Variants in KCNJ15 observed in about 807,000 individuals in gnomAD.
KCNJ15 encodes potassium inwardly rectifying channel subfamily J member 15.
A neutral mutation model predicts 23.0 loss-of-function variants in KCNJ15; 14 were observed. The observed-to-expected ratio is 0.61, with a 90% confidence interval of 0.40 to 0.95. KCNJ15 has a LOEUF of 0.95. KCNJ15 is among the 40% of genes least tolerant of loss of function. KCNJ15 has a pLI of 0.00. For missense variants in KCNJ15, 388 were observed against 461.8 expected, an observed-to-expected ratio of 0.84 and a Z score of 1.46; for synonymous variants, 185 against 183.2, an observed-to-expected ratio of 1.01 and a Z score of -0.08.
At chr21:38,258,591 A>G (rs1980532796) in intron 1 of KCNJ15, among the ~76,000 whole-genome samples, 1 of 152,264 alleles carries the variant, frequency 6.6e-6, no homozygotes, top group African/African-American at 2.4e-5. Flanking sequence ...GCAGCATGTC[A>G]GAAACGCTCA....
intron 1 of KCNJ15, among the ~76,000 whole-genome samples, chr21:38,258,266 A>G (rs144564151): frequency 6.6e-6 from 1 of 152,374 alleles, no homozygotes; most frequent in Non-Finnish European, 1.5e-5. Flanking sequence ...TCTCCTATTT[A>G]AAATTGTCCT....
rs371742265 is a variant in KCNJ15, at chr21:38,286,039, T to C, written c.-116-10887T>C. ...CGGGCGGATCACGAGGTCAGGAGAT[T>C]GAGACCATCCTGGCTAACACGGTGA... On this transcript the variant is annotated intron_variant, in intron 1 of 2. Transcript: ENST00000398938. 1.2e-4 allele frequency among the ~76,000 whole-genome samples: 19 copies of C among 152,098 alleles called. No individual in the cohort carries two copies. In the East Asian group the frequency reaches 2.9e-3, roughly 23 times the overall value.
At chr21:38,239,098 G>T (rs1326262756) in intron 1 of KCNJ15, among the ~76,000 whole-genome samples, 2 of 152,190 alleles carry the variant, frequency 1.3e-5, no homozygotes, top group Non-Finnish European at 2.9e-5. Flanking sequence ...AGGAAGAAAA[G>T]ATCTATGTTT....
At chr21:38,259,074 C>T (rs759449628) in intron 1 of KCNJ15, among the ~76,000 whole-genome samples, 1 of 152,050 alleles carries the variant, frequency 6.6e-6, no homozygotes, top group Non-Finnish European at 1.5e-5. Context: ...ATGACATACT[C>T]GTTATAAGAA....
intron 1 of KCNJ15, among the ~76,000 whole-genome samples, chr21:38,233,944 AGAAAG>A (rs201152340): frequency 0.019 from 2,910 of 152,288 alleles, 86 homozygotes; most frequent in African/African-American, 0.064. Context: ...AGCTGAGAGA[AGAAAG>A]GAGAGAAATA....
chr21:38,256,800 C>G (rs939302836), upstream of KCNJ15: 6 of 152,020 alleles, frequency 3.9e-5, no homozygotes, highest in African/African-American at 1.4e-4. Context: ...TTGTAGATTT[C>G]CTTAAGACCT....
At chr21:38,249,454 G>A (rs148473696) in intron 1 of KCNJ15, among the ~76,000 whole-genome samples, 3 of 152,202 alleles carry the variant, frequency 2.0e-5, no homozygotes, top group Non-Finnish European at 2.9e-5. Context: ...CTGAGTTAGG[G>A]TGACCACAAT....
chr21:38,240,589 C>T (rs528119911), intron 1 of KCNJ15, among the ~76,000 whole-genome samples: 1 of 152,144 alleles, frequency 6.6e-6, no homozygotes, highest in African/African-American at 2.4e-5. Flanking sequence ...GAAGCCATTC[C>T]TTCTTCCAAA....
At chr21:38,292,307 AC>A in intron 1 of KCNJ15, among the ~76,000 whole-genome samples, 1 of 152,110 alleles carries the variant, frequency 6.6e-6, no homozygotes, top group Non-Finnish European at 1.5e-5. Flanking sequence ...AAGTGCCTGG[AC>A]CCTTTTAAGT....
rs1407455277 is a variant in KCNJ15, at chr21:38,301,496, G to A, written c.*1107G>A. On this transcript the variant is annotated 3_prime_UTR_variant, in exon 3 of 3. Coordinates refer to ENST00000398938, the MANE Select transcript of KCNJ15 (RefSeq NM_170736.3). Reference sequence around the variant, plus strand: ...AATAAAGCTCTTGAGAGTAATTGTTGTCTCAGTCATGCTTGCTGATTACAG... The same window carrying A: ...AATAAAGCTCTTGAGAGTAATTGTTATCTCAGTCATGCTTGCTGATTACAG... 1 of 167,030 alleles carries A rather than the reference G, an allele frequency of 6.0e-6. No homozygotes were observed. The highest frequency in any genetic ancestry group is 1.5e-5 in the Non-Finnish European group (1 of 68,126). The allele number at this position is 167,030 out of a possible 1,614,324, so 10.3% of individuals were successfully genotyped here. A position where few individuals can be genotyped will look rare whatever the true frequency, so the allele number is the denominator to read the frequency against.
chr21:38,295,941 C>G (rs1985106900), intron 1 of KCNJ15, among the ~76,000 whole-genome samples: 1 of 152,114 alleles, frequency 6.6e-6, no homozygotes, highest in South Asian at 2.1e-4. Flanking sequence ...AGGATCCAGC[C>G]TGTAAGAGGA....
At chr21:38,234,183 C>T (rs978883813) in intron 1 of KCNJ15, among the ~76,000 whole-genome samples, 2 of 152,222 alleles carry the variant, frequency 1.3e-5, no homozygotes, top group African/African-American at 4.8e-5. Flanking sequence ...GCTTGTCCAA[C>T]CTGCGGCCTG....
intron 1 of KCNJ15, among the ~76,000 whole-genome samples, chr21:38,260,366 T>G (rs761915653): frequency 3.9e-5 from 6 of 152,172 alleles, no homozygotes; most frequent in Non-Finnish European, 8.8e-5. Context: ...AGAATTTCAG[T>G]CAGAAACATC....
At chr21:38,230,206 T>C (rs577922992) in intron 1 of KCNJ15, among the ~76,000 whole-genome samples, 6 of 152,336 alleles carry the variant, frequency 3.9e-5, no homozygotes, top group Non-Finnish European at 7.3e-5. Flanking sequence ...TCTGTCTTTT[T>C]CATTATAACT....
intron 1 of KCNJ15, among the ~76,000 whole-genome samples, chr21:38,235,904 A>G (rs1216666001): frequency 6.6e-6 from 1 of 152,226 alleles, no homozygotes; most frequent in African/African-American, 2.4e-5. Context: ...AAATATAAAG[A>G]TAAAACATTT....
chr21:38,239,867 T>G (rs1350769747), intron 1 of KCNJ15, among the ~76,000 whole-genome samples: 1 of 152,242 alleles, frequency 6.6e-6, no homozygotes, highest in Non-Finnish European at 1.5e-5. Flanking sequence ...TGCCATGAAT[T>G]TATCATTTGA....
At chr21:38,247,208 AGATGGATGGATGGATAAATGGATT>A (rs1216347315) in intron 1 of KCNJ15, among the ~76,000 whole-genome samples, 3 of 145,294 alleles carry the variant, frequency 2.1e-5, no homozygotes, top group African/African-American at 7.8e-5. Context: ...ATGCATAGGT[AGATGGATGGATGGATAAATGGATT>A]GATGGATGGA....
intron 1 of KCNJ15, among the ~76,000 whole-genome samples, chr21:38,288,027 T>TTTTTTTC (rs1569010970): frequency 2.8e-5 from 2 of 70,246 alleles, no homozygotes; most frequent in African/African-American, 9.1e-5. Flanking sequence ...TGTTTTTTTC[T>TTTTTTTC]TTGTTTTTTT....
chr21:38,299,772 C>T lies in KCNJ15; in HGVS notation c.511C>T (p.Pro171Ser), dbSNP rs912435006. ...AACCTTCCTGGCCAAAATCGCCAGA[C>T]CCAAAAAGCGGGCTGAGACCATCAA... is the stretch of plus-strand genomic sequence containing the variant. ...TGTFLAKIAR[P>S]KKRAETIKFS... The change falls in exon 3 of 3, where the codon CCC (proline) becomes TCC (serine). Residue 171 changes from proline (P) to serine (S), a missense_variant. Transcript: ENST00000398938. This position sits in a 1 kb window ranked among gnomAD's most constrained non-coding sequence, Gnocchi z 4.5. 3.1e-6 allele frequency: 5 copies of T among 1,614,068 alleles called. No individual in the cohort carries two copies. The highest frequency in any genetic ancestry group is 4.2e-6 in the Non-Finnish European group (5 of 1,180,024).
Sources: gnomAD v4.1 joint callset for allele counts (sites outside exome capture counted in the v4.1 genomes callset) on GRCh38, gnomAD v4.1.1 for gene constraint, Gnocchi (gnomAD v3.1) non-coding constraint, MANE v1.5 for transcripts, NCBI Gene and HGNC (gene_info 2026-07-23, HGNC 2026-07-21) for gene names.